The following ASPHD2 variants were observed in gnomAD, a reference collection of about 807,000 sequenced individuals.
The protein encoded by ASPHD2 is aspartate beta-hydroxylase domain containing 2, also known as aspartate beta-hydroxylase domain-containing protein 2.
In ASPHD2, 12 loss-of-function variants were observed where a neutral mutation model predicts 34.6. That is an observed-to-expected ratio of 0.35 (90% CI 0.22 to 0.56). The LOEUF (loss-of-function observed/expected upper bound fraction) is 0.56. Ranked by LOEUF, ASPHD2 falls within the 20% of genes least tolerant of loss-of-function variation. The pLI is 0.87. For missense variants in ASPHD2, 375 were observed against 505.0 expected, an observed-to-expected ratio of 0.74 and a Z score of 2.47; for synonymous variants, 224 against 212.2, an observed-to-expected ratio of 1.06 and a Z score of -0.48.
At chr22:26,442,960 G>A (rs1274456584) in intron 3 of ASPHD2, 137 bp from the exon 4 acceptor site, 3 of 699,052 alleles carry the variant, frequency 4.3e-6, no homozygotes, top group Non-Finnish European at 5.2e-6. Context: ...GAGAGAGGAG[G>A]TGGTCCGATC....
rs754364586 is a variant in ASPHD2, at chr22:26,434,260, G to A, written c.645G>A (p.Pro215=). 3 of 1,614,180 alleles carry A rather than the reference G, an allele frequency of 1.9e-6. No individual in the cohort carries two copies. Among genetic ancestry groups the A allele is most frequent in the Admixed American group, 1.7e-5 (1 of 60,016 alleles). ...LYKAFSNCSL[P]QGWKMNSTPS... ...AAGCTTTCTCAAACTGCAGCCTCCC[G>A]CAAGGATGGAAAATGAACAGCACCC... Residue 215 remains proline, a synonymous_variant, in exon 2 of 4, where the codon CCG becomes CCA. Coordinates refer to ENST00000215906, the MANE Select transcript of ASPHD2 (RefSeq NM_020437.5).
rs2084886587 is a variant in ASPHD2 at position 26,444,204 on chromosome 22, T to G, written c.*998T>G. 1 of 151,838 alleles carries G rather than the reference T, an allele frequency of 6.6e-6. No individual in the cohort carries two copies. The highest frequency in any genetic ancestry group is 1.5e-5 in the Non-Finnish European group (1 of 68,012). 9.4% of individuals were successfully genotyped at this position (151,838 alleles called of 1,614,324 possible). A position where few individuals can be genotyped will look rare whatever the true frequency, so the allele number is the denominator to read the frequency against. On this transcript the variant is annotated 3_prime_UTR_variant, in exon 4 of 4. Coordinates refer to ENST00000215906, the MANE Select transcript of ASPHD2 (RefSeq NM_020437.5). ...ATAGATCTGACCAAAGTTTCTGTTTTGCTTTGGAGTTCTGTTGCCTATGTT... is the reference window on the plus strand; with the variant it reads ...ATAGATCTGACCAAAGTTTCTGTTTGGCTTTGGAGTTCTGTTGCCTATGTT...
chr22:26,437,447 C>G (rs1049459745), intron 2 of ASPHD2, among the ~76,000 whole-genome samples: 1 of 152,162 alleles, frequency 6.6e-6, no homozygotes, highest in Admixed American at 6.5e-5. Flanking sequence ...CACCTAGTCC[C>G]GACTTCATAT....
In ASPHD2 at chr22:26,443,926, G is replaced by T. The variant is rs2084881955; in HGVS notation, c.*720G>T. 1.3e-5 allele frequency: 2 copies of T among 152,360 alleles called. No individual in the cohort carries two copies. Among genetic ancestry groups the T allele is most frequent in the Admixed American group, 1.3e-4 (2 of 15,298 alleles). 9.4% of individuals were successfully genotyped at this position (152,360 alleles called of 1,614,324 possible). A position where few individuals can be genotyped will look rare whatever the true frequency, so the allele number is the denominator to read the frequency against. On this transcript the variant is annotated 3_prime_UTR_variant, in exon 4 of 4. Coordinates refer to ENST00000215906, the MANE Select transcript of ASPHD2 (RefSeq NM_020437.5). Reference sequence around the variant, plus strand: ...TCTTTAAACATGGCTTTCCTGCAAAGCTGAAGCTGGTGTCCCCCAGCACCA... The same window carrying T: ...TCTTTAAACATGGCTTTCCTGCAAATCTGAAGCTGGTGTCCCCCAGCACCA...
chr22:26,438,576 TATATAC>T lies in ASPHD2; in HGVS notation c.887-3879_887-3874del, dbSNP rs200575872. The stretch of plus-strand genomic sequence containing the variant: ...ACACATACATATATACACATACATA[TATATAC>T]ATACATATATATACACACATATATA... On this transcript the variant is annotated intron_variant, in intron 2 of 3. Transcript: ENST00000215906. 7.4e-3 allele frequency among the ~76,000 whole-genome samples: 741 copies of T among 100,714 alleles called. 21 individuals carry two copies. Among genetic ancestry groups the T allele is most frequent in the Admixed American group, 0.041 (405 of 9,838 alleles). The allele number at this position is 100,714 out of a possible 152,430, so 66.1% of individuals were successfully genotyped here. A position where few individuals can be genotyped will look rare whatever the true frequency, so the allele number is the denominator to read the frequency against.
intron 2 of ASPHD2, among the ~76,000 whole-genome samples, chr22:26,439,819 C>T (rs1432449921): frequency 6.6e-6 from 1 of 152,182 alleles, no homozygotes; most frequent in Admixed American, 6.5e-5. Flanking sequence ...GTCGTCTGTC[C>T]CCAAGTCCTC....
In ASPHD2 at chr22:26,444,516, T is replaced by A. The variant is rs1326610634; in HGVS notation, c.*1310T>A. On this transcript the variant is annotated 3_prime_UTR_variant, in exon 4 of 4. Coordinates refer to ENST00000215906, the MANE Select transcript of ASPHD2 (RefSeq NM_020437.5). Reference sequence around the variant, plus strand: ...GCACTCACTCTAGAAATAGCCTGTGTTAGCTGATGTGTGAAAGCGTAGCCG... The same window carrying A: ...GCACTCACTCTAGAAATAGCCTGTGATAGCTGATGTGTGAAAGCGTAGCCG... The A allele has an allele frequency of 6.6e-6, 1 of 152,216 alleles. No individual in the cohort carries two copies. Among genetic ancestry groups the A allele is most frequent in the Non-Finnish European group, 1.5e-5 (1 of 68,034 alleles). 9.4% of individuals were successfully genotyped at this position (152,216 alleles called of 1,614,324 possible).
rs562033997 is a variant in ASPHD2 at position 26,443,356 on chromosome 22, C to T, written c.*150C>T. On this transcript the variant is annotated 3_prime_UTR_variant, in exon 4 of 4. Transcript: ENST00000215906. Reference sequence around the variant, plus strand: ...TTTGGGATTTTATATCATGTCGGGTCCCTCTTTCCCTTGGTTATTGTAAAT... The same window carrying T: ...TTTGGGATTTTATATCATGTCGGGTTCCTCTTTCCCTTGGTTATTGTAAAT... The T allele has an allele frequency of 1.6e-6, 1 of 628,242 alleles. No homozygotes were observed. Among genetic ancestry groups the T allele is most frequent in the East Asian group, 2.8e-5 (1 of 35,224 alleles). The allele number at this position is 628,242 out of a possible 1,614,324, so 38.9% of individuals were successfully genotyped here. A position where few individuals can be genotyped will look rare whatever the true frequency, so the allele number is the denominator to read the frequency against.
chr22:26,439,518 T>C (rs1333091055), intron 2 of ASPHD2, among the ~76,000 whole-genome samples: 2 of 152,216 alleles, frequency 1.3e-5, no homozygotes, highest in African/African-American at 4.8e-5. Flanking sequence ...AGCCTGTTCT[T>C]TGGAGTCAGG....
chr22:26,438,490 G>T (rs200992236), intron 2 of ASPHD2, among the ~76,000 whole-genome samples: 38 of 40,952 alleles, frequency 9.3e-4, no homozygotes, highest in South Asian at 3.5e-3. Context: ...CATATATATA[G>T]ATACACACAT....
At chr22:26,434,559 C>A in intron 2 of ASPHD2, 58 bp downstream of exon 2, 1 of 1,502,128 alleles carries the variant, frequency 6.7e-7, no homozygotes, top group South Asian at 1.4e-5. Context: ...AGCCCCTCTC[C>A]ATCAAAACAT....
intron 2 of ASPHD2, among the ~76,000 whole-genome samples, chr22:26,435,710 TAAAAG>T (rs139306199): frequency 0.065 from 9,419 of 145,740 alleles, 436 homozygotes; most frequent in Admixed American, 0.15. Context: ...ATCACTGCAC[TAAAAG>T]AAAAGAAAAG....
chr22:26,435,079 T>G (rs1041558594), intron 2 of ASPHD2, among the ~76,000 whole-genome samples: 2 of 152,206 alleles, frequency 1.3e-5, no homozygotes, highest in African/African-American at 4.8e-5. Context: ...TGTGTGCGGC[T>G]GTGGTTTTGC....
Position 26,433,704 on chromosome 22 carries a change from A to G in ASPHD2, c.89A>G (p.Glu30Gly). 6.2e-7 allele frequency: 1 copy of G among 1,613,962 alleles called. No homozygotes were observed. The highest frequency in any genetic ancestry group is 2.2e-5 in the East Asian group (1 of 44,882). ...AAGGACTCCCCCAAGATGTCGCTCG[A>G]GTGGCTGGTGGCCTGGAGCTGGTCG... The part of the protein sequence containing the change: ...PSKDSPKMSL[E>G]WLVAWSWSLD... Residue 30 changes from glutamate (E) to glycine (G), a missense_variant, in exon 2 of 4, where the codon GAG becomes GGG. Physicochemically the swap from Glu to Gly is moderately conservative, Grantham distance 98. This residue lies in a region of ASPHD2 where 223 missense variants were observed against 257.8 expected (regional missense o/e 0.87). Transcript: ENST00000215906. The surrounding 1 kb of genome is among the most constrained non-coding windows in gnomAD (Gnocchi z 5.1).
At chr22:26,440,041 A>G (rs2084825780) in intron 2 of ASPHD2, among the ~76,000 whole-genome samples, 1 of 152,218 alleles carries the variant, frequency 6.6e-6, no homozygotes, top group Admixed American at 6.6e-5. Flanking sequence ...CTGAAGACAG[A>G]TGAGACCACC....
intron 3 of ASPHD2, 81 bp downstream of exon 3, chr22:26,442,653 A>C (rs2084858561): frequency 2.5e-6 from 3 of 1,200,440 alleles, no homozygotes; most frequent in Non-Finnish European, 3.5e-6. Context: ...TTTCCAGAAA[A>C]ATCAGGCAGA....
Position 26,436,263 on chromosome 22 carries a change from G to A in ASPHD2, c.886+1762G>A, listed in dbSNP as rs967069545. On this transcript the variant is annotated intron_variant, in intron 2 of 3. Coordinates refer to ENST00000215906, the MANE Select transcript of ASPHD2 (RefSeq NM_020437.5). ...AAAACAGAGATGACGATTCCCACTT[G>A]CTGGCTGTTTTGAGGAGTGGGAAGT... is the stretch of plus-strand genomic sequence containing the variant. Among the ~76,000 whole-genome samples the A allele has an allele frequency of 4.3e-4, 66 of 152,206 alleles. 2 individuals carry two copies. Among genetic ancestry groups the A allele is most frequent in the Non-Finnish European group, 5.9e-4 (40 of 68,040 alleles).
At chr22:26,439,407 TAATAATA>T (rs2084822077) in intron 2 of ASPHD2, among the ~76,000 whole-genome samples, 4 of 151,880 alleles carry the variant, frequency 2.6e-5, no homozygotes, top group Middle Eastern at 6.8e-3. Context: ...TCAAAAAAAA[TAATAATA>T]AATAAAGAAA....
At position 26,438,496 on chromosome 22, in the gene ASPHD2, C is replaced by T. The variant is rs202246227; in HGVS notation, c.887-3963C>T. ...ATATATATACATATATATAGATACA[C>T]ACATACATATATATACATACATATA... On this transcript the variant is annotated intron_variant, in intron 2 of 3. Transcript: ENST00000215906. Among the ~76,000 whole-genome samples the T allele has an allele frequency of 1.0e-4, 9 of 88,382 alleles. 1 individual carries two copies. The highest frequency in any genetic ancestry group is 1.4e-4 in the Non-Finnish European group (6 of 43,378). 58.0% of individuals were successfully genotyped at this position (88,382 alleles called of 152,430 possible).
Sources: gnomAD v4.1 joint callset for allele counts (sites outside exome capture counted in the v4.1 genomes callset) on GRCh38, gnomAD v4.1.1 for gene constraint, gnomAD v4.1.1 regional missense constraint, Gnocchi (gnomAD v3.1) non-coding constraint, MANE v1.5 for transcripts, NCBI Gene and HGNC (gene_info 2026-07-23, HGNC 2026-07-21) for gene names.